Variants in SLC6A5 observed in about 807,000 individuals in gnomAD.
The protein encoded by SLC6A5 is solute carrier family 6 member 5, also known as sodium- and chloride-dependent glycine transporter 2.
Under a neutral mutation model 90.5 loss-of-function variants are expected in SLC6A5, and 58 were observed. That is an observed-to-expected ratio of 0.64 (90% CI 0.52 to 0.80). The LOEUF is 0.80. SLC6A5 is among the 30% of genes least tolerant of loss of function. The pLI, the probability that SLC6A5 is intolerant of heterozygous loss-of-function variation, is 0.00. For missense variants in SLC6A5, 1,015 were observed against 1,017.6 expected, an observed-to-expected ratio of 1.00 and a Z score of 0.03; for synonymous variants, 427 against 401.4, an observed-to-expected ratio of 1.06 and a Z score of -0.76.
At chr11:20,646,718 G>A (rs1027940574) in intron 13 of SLC6A5, 116 bp from the exon 14 acceptor site, 2 of 747,068 alleles carry the variant, frequency 2.7e-6, no homozygotes, top group African/African-American at 1.7e-5. Flanking sequence ...TTGATACAGG[G>A]CTGGGGCCAG....
At chr11:20,609,583 A>G (rs1852656559) in intron 5 of SLC6A5, among the ~76,000 whole-genome samples, 1 of 152,198 alleles carries the variant, frequency 6.6e-6, no homozygotes, top group Non-Finnish European at 1.5e-5. Context: ...AGAGATGGAT[A>G]AACTCTTTCC....
rs987707369 is a variant in SLC6A5 at position 20,601,542 on chromosome 11, C to T, written c.417C>T (p.Gly139=). The part of the protein sequence containing the change: ...EGDANVSVGK[G]TLERNNTPVV... ...ATGCGAACGTGAGTGTGGGCAAGGG[C>T]ACCCTGGAGCGGAACAATACCCCTG... Residue 139 remains glycine (G), a synonymous_variant, in exon 2 of 16, where the codon GGC becomes GGT. Transcript: ENST00000525748. 3.7e-6 allele frequency: 6 copies of T among 1,614,140 alleles called. No individual in the cohort carries two copies. The highest frequency in any genetic ancestry group is 5.1e-6 in the Non-Finnish European group (6 of 1,179,986).
chr11:20,653,386 T>A lies in SLC6A5; in HGVS notation c.2238+930T>A, dbSNP rs145416128. 2.6e-3 allele frequency among the ~76,000 whole-genome samples: 392 copies of A among 152,266 alleles called. 1 individual carries two copies. Among genetic ancestry groups the A allele is most frequent in the Admixed American group, 6.2e-3 (95 of 15,302 alleles). On this transcript the variant is annotated intron_variant, in intron 15 of 15. Coordinates refer to ENST00000525748, the MANE Select transcript of SLC6A5 (RefSeq NM_004211.5). ...TCTACAGTTTAACAAGCCCCCTCGT[T>A]AGCGAAGCATTGGACTAGACTCAGG...
In SLC6A5 at chr11:20,614,779, G is replaced by C. The variant is rs1362652068; in HGVS notation, c.1086G>C (p.Gln362His). 11 of 1,613,944 alleles carry C rather than the reference G, an allele frequency of 6.8e-6. No homozygotes were observed. Among genetic ancestry groups the C allele is most frequent in the Non-Finnish European group, 9.3e-6 (11 of 1,179,902 alleles). Reference protein sequence around the residue: ...PNVTMVNFTSQANKTFVSGSE... With the variant: ...PNVTMVNFTSHANKTFVSGSE... ...TGACAATGGTTAATTTCACCAGCCA[G>C]GCCAATAAGACATTTGTCAGTGGAA... is the stretch of plus-strand genomic sequence containing the variant. The change falls in exon 6 of 16, where the codon CAG (glutamine) becomes CAC (histidine). Residue 362 changes from glutamine to histidine, a missense_variant. This residue lies in a region of SLC6A5 where 567 missense variants were observed against 507.3 expected (regional missense o/e 1.12). Transcript: ENST00000525748.
chr11:20,622,293 A>G (rs1021549437), intron 7 of SLC6A5, among the ~76,000 whole-genome samples: 1 of 152,188 alleles, frequency 6.6e-6, no homozygotes, highest in Non-Finnish European at 1.5e-5. Context: ...TCACCACCTA[A>G]AAAATGAATG....
intron 3 of SLC6A5, among the ~76,000 whole-genome samples, chr11:20,606,507 G>T (rs1259074825): frequency 6.6e-6 from 1 of 152,134 alleles, no homozygotes; most frequent in Non-Finnish European, 1.5e-5. Context: ...ATGGCTGTCT[G>T]GCAGAGCCTG....
intron 10 of SLC6A5, among the ~76,000 whole-genome samples, chr11:20,633,353 C>T (rs1853142245): frequency 6.6e-6 from 1 of 152,230 alleles, no homozygotes; most frequent in Non-Finnish European, 1.5e-5. Flanking sequence ...TCAAAATAAG[C>T]ATTCTCAAAC....
chr11:20,604,215 G>C (rs1852531191), intron 2 of SLC6A5, 71 bp from the exon 3 acceptor site: 1 of 1,532,198 alleles, frequency 6.5e-7, no homozygotes, highest in Non-Finnish European at 8.8e-7. Context: ...CCTAGCGGGG[G>C]GGAGGGTGGA....
At chr11:20,650,622 G>C (rs7115488) in intron 14 of SLC6A5, among the ~76,000 whole-genome samples, 129,416 of 149,572 alleles carry the variant, frequency 0.87, 56,132 homozygotes, top group East Asian at 0.99. Context: ...GGTCTCCGGG[G>C]TCACGGCTCA....
At chr11:20,645,771 T>C (rs2133818191) in intron 13 of SLC6A5, among the ~76,000 whole-genome samples, 1 of 151,476 alleles carries the variant, frequency 6.6e-6, no homozygotes, top group Non-Finnish European at 1.5e-5. Context: ...CCCGAGTACC[T>C]GGGACTCTAG....
At chr11:20,628,537 C>T (rs577563176) in intron 9 of SLC6A5, among the ~76,000 whole-genome samples, 6 of 152,284 alleles carry the variant, frequency 3.9e-5, no homozygotes, top group East Asian at 1.9e-4. Flanking sequence ...ACTTAATTAC[C>T]TCTTTAAAGG....
intron 9 of SLC6A5, among the ~76,000 whole-genome samples, chr11:20,628,644 T>G (rs1853049218): frequency 6.6e-6 from 1 of 152,218 alleles, no homozygotes; most frequent in Non-Finnish European, 1.5e-5. Flanking sequence ...AAGACACAAT[T>G]CAGTTCAAAA....
rs756457996 is a variant in SLC6A5, at chr11:20,638,506, T to A, written c.1917T>A (p.Tyr639Ter). 3.7e-6 allele frequency: 6 copies of A among 1,613,560 alleles called. No homozygotes were observed. The highest frequency in any genetic ancestry group is 5.1e-6 in the Non-Finnish European group (6 of 1,179,598). Residue 639 changes from tyrosine (Y) to a stop codon, truncating the protein, a stop_gained, in exon 13 of 16, where the codon TAT (tyrosine) becomes TAA (stop). Coordinates refer to ENST00000525748, the MANE Select transcript of SLC6A5 (RefSeq NM_004211.5). LOFTEE classifies it high-confidence loss of function. Reference protein sequence around the residue: ...FQLVDTYAASYALVIIAIFEL... With the variant: ...FQLVDTYAAS ...TTGTGGACACCTATGCTGCCTCCTA[T>A]GCCCTTGTCATCATTGCCATTTTTG...
intron 5 of SLC6A5, among the ~76,000 whole-genome samples, chr11:20,609,358 A>T (rs1054514269): frequency 6.6e-6 from 1 of 151,392 alleles, no homozygotes; most frequent in African/African-American, 2.4e-5. Flanking sequence ...TCCATCTGTC[A>T]TTCTCTGTGT....
At chr11:20,643,134 A>T (rs1463677274) in intron 13 of SLC6A5, among the ~76,000 whole-genome samples, 1 of 152,054 alleles carries the variant, frequency 6.6e-6, no homozygotes, top group African/African-American at 2.4e-5. Flanking sequence ...CAGTCAAGCC[A>T]CAAGCCACCA....
chr11:20,613,323 G>T (rs1852727813), intron 5 of SLC6A5, among the ~76,000 whole-genome samples: 1 of 152,156 alleles, frequency 6.6e-6, no homozygotes, highest in Non-Finnish European at 1.5e-5. Flanking sequence ...GTAAGTTGTT[G>T]TTGTTATTGT....
intron 15 of SLC6A5, among the ~76,000 whole-genome samples, chr11:20,654,105 T>G (rs889512228): frequency 6.6e-6 from 1 of 152,222 alleles, no homozygotes; most frequent in African/African-American, 2.4e-5. Flanking sequence ...TCCTATTATT[T>G]TTAGCTTGCC....
chr11:20,617,948 C>T, intron 7 of SLC6A5, 64 bp downstream of exon 7: 2 of 1,508,878 alleles, frequency 1.3e-6, no homozygotes, highest in Non-Finnish European at 1.8e-6. Context: ...CTTTGGGGAG[C>T]AGGCAGAGCA....
chr11:20,653,649 T>A (rs973829132), intron 15 of SLC6A5, among the ~76,000 whole-genome samples: 6 of 152,298 alleles, frequency 3.9e-5, no homozygotes, highest in African/African-American at 1.4e-4. Flanking sequence ...GTAGGAATCT[T>A]TTTACTGCAG....
Sources: allele counts gnomAD v4.1 joint callset (sites outside exome capture counted in the v4.1 genomes callset), GRCh38; gene constraint gnomAD v4.1.1; regional missense constraint gnomAD v4.1.1; transcripts MANE v1.5; gene names NCBI Gene and HGNC (gene_info 2026-07-23, HGNC 2026-07-21).